The following NEMP2 variants were observed in gnomAD, a reference collection of about 807,000 sequenced individuals.
NEMP2 encodes the protein nuclear envelope integral membrane protein 2, also known as UPF0571 transmembrane protein.
NEMP2 carries 53 observed loss-of-function variants against 54.2 expected under a neutral mutation model. The observed-to-expected ratio is 0.98, with a 90% CI of 0.78 to 1.23. NEMP2 has a LOEUF of 1.23. Ranked by LOEUF, NEMP2 falls within the 50% of genes most tolerant of loss-of-function variation. The probability of loss-of-function intolerance (pLI) is 0.00; values close to 1 mark genes in which losing one functional copy is unlikely to be tolerated. For missense variants in NEMP2, 455 were observed against 511.3 expected (o/e 0.89, Z 1.06); for synonymous variants, 197 against 190.3 (o/e 1.04, Z -0.29).
the NEMP2 span, among the ~76,000 whole-genome samples, chr2:190,454,739 C>G: frequency 1.3e-5 from 2 of 151,970 alleles, no homozygotes; most frequent in African/African-American, 4.8e-5. The surrounding 1 kb of genome is among the most constrained non-coding windows in gnomAD (Gnocchi z 4.6). Context: ...GCAGCCCGAG[C>G]AAATTAATAA....
the NEMP2 span, among the ~76,000 whole-genome samples, chr2:190,559,946 G>A: frequency 6.6e-6 from 1 of 152,132 alleles, no homozygotes; most frequent in African/African-American, 2.4e-5. The surrounding 1 kb of genome is among the most constrained non-coding windows in gnomAD (Gnocchi z 4.0). Flanking sequence ...AGGTGAGTGA[G>A]GCAGAAGCTC....
At chr2:190,430,374 C>G in the NEMP2 span, among the ~76,000 whole-genome samples, 2 of 151,240 alleles carry the variant, frequency 1.3e-5, 1 homozygote, top group South Asian at 4.2e-4. Context: ...GTTTGTGTCC[C>G]TGGGTACTTG....
chr2:190,619,582 A>AT, the NEMP2 span, among the ~76,000 whole-genome samples: 2 of 151,980 alleles, frequency 1.3e-5, no homozygotes, highest in Admixed American at 6.6e-5. This position sits in a 1 kb window ranked among gnomAD's most constrained non-coding sequence, Gnocchi z 5.5. Flanking sequence ...AAGTTAAAAG[A>AT]TTTTTTTTAA....
Position 190,510,285 on chromosome 2 carries a change from C to T in NEMP2, c.1130+76G>A. ...AACAGTCTATTTCTACCCTGAAGTG[C>T]CTGTACCAAACCATCATATTATTTT... On this transcript the variant is annotated intron_variant, in intron 8 of 8. Coordinates refer to ENST00000409150, the MANE Select transcript of NEMP2 (RefSeq NM_001142645.2). This position sits in a 1 kb window ranked among gnomAD's most constrained non-coding sequence, Gnocchi z 5.7. 6.7e-7 allele frequency: 1 copy of T among 1,498,188 alleles called. No homozygotes were observed. Among genetic ancestry groups the T allele is most frequent in the Non-Finnish European group, 9.0e-7 (1 of 1,107,580 alleles). 92.8% of individuals were successfully genotyped at this position (1,498,188 alleles called of 1,614,324 possible). A position where few individuals can be genotyped will look rare whatever the true frequency, so the allele number is the denominator to read the frequency against.
the NEMP2 span, among the ~76,000 whole-genome samples, chr2:190,422,766 A>G: frequency 6.6e-6 from 1 of 152,014 alleles, no homozygotes; most frequent in Non-Finnish European, 1.5e-5. Context: ...CATTTTCTTG[A>G]AATTTTAAAG....
chr2:190,481,239 A>C, the NEMP2 span, among the ~76,000 whole-genome samples: 132 of 152,368 alleles, frequency 8.7e-4, 1 homozygote, highest in African/African-American at 2.8e-3. Context: ...GCATGTAAAA[A>C]TTCACGAGGG....
the NEMP2 span, chr2:190,620,432 AAAAACAAAAC>A: frequency 1.3e-5 from 2 of 152,244 alleles, no homozygotes; most frequent in African/African-American, 4.8e-5. This position sits in a 1 kb window ranked among gnomAD's most constrained non-coding sequence, Gnocchi z 4.9. Flanking sequence ...AGCAAAAAAC[AAAAACAAAAC>A]AAAACAAAAC....
At chr2:190,556,379 A>T in the NEMP2 span, among the ~76,000 whole-genome samples, 2 of 152,242 alleles carry the variant, frequency 1.3e-5, no homozygotes, top group Non-Finnish European at 2.9e-5. Flanking sequence ...ATCATACTGA[A>T]TGAGCAAAAA....
the NEMP2 span, among the ~76,000 whole-genome samples, chr2:190,550,490 A>G: frequency 6.6e-6 from 1 of 152,178 alleles, no homozygotes; most frequent in African/African-American, 2.4e-5. The surrounding 1 kb of genome is among the most constrained non-coding windows in gnomAD (Gnocchi z 4.7). Context: ...AAACATTCAA[A>G]CCATAGCGAT....
the NEMP2 span, chr2:190,625,609 G>A: frequency 6.6e-6 from 1 of 152,130 alleles, no homozygotes; most frequent in Non-Finnish European, 1.5e-5. Context: ...GAAAGGAAAA[G>A]TAAAAGCAAG....
chr2:190,512,999 A>C lies in NEMP2; in HGVS notation c.953+1454T>G, dbSNP rs1286351836. On this transcript the variant is annotated intron_variant, in intron 7 of 8. Transcript: ENST00000409150. The surrounding 1 kb of genome is among the most constrained non-coding windows in gnomAD (Gnocchi z 4.5). ...AATTTTACCTCTTGAACATTTATTC[A>C]CTCCCTCTTCTAGCCTTGGTCTCAT... 6.6e-6 allele frequency among the ~76,000 whole-genome samples: 1 copy of C among 151,302 alleles called. No homozygotes were observed. The highest frequency in any genetic ancestry group is 2.4e-5 in the African/African-American group (1 of 41,106).
At chr2:190,483,171 C>T in the NEMP2 span, among the ~76,000 whole-genome samples, 269 of 151,324 alleles carry the variant, frequency 1.8e-3, 1 homozygote, top group Non-Finnish European at 2.7e-3. Context: ...GGATTACAGG[C>T]GTGAGCCACC....
At chr2:190,551,271 T>C in the NEMP2 span, among the ~76,000 whole-genome samples, 1 of 152,092 alleles carries the variant, frequency 6.6e-6, no homozygotes, top group South Asian at 2.1e-4. Context: ...ACTTTTCTTC[T>C]TCATAGATTC....
At chr2:190,621,232 T>C in the NEMP2 span, among the ~76,000 whole-genome samples, 1 of 152,248 alleles carries the variant, frequency 6.6e-6, no homozygotes, top group South Asian at 2.1e-4. Context: ...CTAGATTGTA[T>C]ATAGCCTACT....
At chr2:190,617,617 C>A in the NEMP2 span, among the ~76,000 whole-genome samples, 2 of 152,200 alleles carry the variant, frequency 1.3e-5, no homozygotes, top group African/African-American at 4.8e-5. The surrounding 1 kb of genome is among the most constrained non-coding windows in gnomAD (Gnocchi z 5.0). Context: ...ATTTTCATTT[C>A]TTGCTCCAAC....
chr2:190,524,075 G>A (rs2125333485), intron 2 of NEMP2, among the ~76,000 whole-genome samples: 2 of 151,144 alleles, frequency 1.3e-5, no homozygotes, highest in South Asian at 4.2e-4. Flanking sequence ...AGTCAGATGT[G>A]ACAGTGCACA....
At chr2:190,429,566 GA>G in the NEMP2 span, among the ~76,000 whole-genome samples, 2 of 151,942 alleles carry the variant, frequency 1.3e-5, no homozygotes. Context: ...GATCTCAGGT[GA>G]TCCTCCCAAA....
the NEMP2 span, among the ~76,000 whole-genome samples, chr2:190,564,517 T>C: frequency 2.6e-5 from 4 of 152,250 alleles, no homozygotes; most frequent in Admixed American, 6.5e-5. The surrounding 1 kb of genome is among the most constrained non-coding windows in gnomAD (Gnocchi z 4.2). Flanking sequence ...TGCCCTCTTA[T>C]GTATTTTATC....
At chr2:190,554,014 C>A in the NEMP2 span, among the ~76,000 whole-genome samples, 1 of 152,114 alleles carries the variant, frequency 6.6e-6, no homozygotes, top group Non-Finnish European at 1.5e-5. This position sits in a 1 kb window ranked among gnomAD's most constrained non-coding sequence, Gnocchi z 5.7. Flanking sequence ...CCAAGGAGGG[C>A]GAGCTGAAGC....
Sources: allele counts gnomAD v4.1 joint callset (sites outside exome capture counted in the v4.1 genomes callset), GRCh38; gene constraint gnomAD v4.1.1; non-coding constraint Gnocchi (gnomAD v3.1); transcripts MANE v1.5; gene names NCBI Gene and HGNC (gene_info 2026-07-23, HGNC 2026-07-21).